The following FNDC1 variants were observed in gnomAD, a reference collection of about 807,000 sequenced individuals.
FNDC1 encodes fibronectin type III domain containing 1.
In FNDC1, 96 loss-of-function variants were observed where a neutral mutation model predicts 168.0. The ratio of observed to expected loss-of-function variants is 0.57; its 90% confidence interval spans 0.48 to 0.68. The LOEUF is 0.68. Ranked by LOEUF, FNDC1 falls within the 30% of genes least tolerant of loss-of-function variation. The probability of loss-of-function intolerance (pLI) is 0.00; values close to 1 mark genes in which losing one functional copy is unlikely to be tolerated. For missense variants in FNDC1, 2,587 were observed against 2,482.1 expected (o/e 1.04, Z -0.90); for synonymous variants, 1,099 against 1,025.9 (o/e 1.07, Z -1.36).
intron 1 of FNDC1, among the ~76,000 whole-genome samples, chr6:159,184,440 A>G (rs1781949848): frequency 6.6e-6 from 1 of 152,176 alleles, no homozygotes; most frequent in Admixed American, 6.5e-5. Flanking sequence ...TAATTTACCT[A>G]TGCCCATTCA....
chr6:159,252,221 A>AT (rs34765113), intron 17 of FNDC1, among the ~76,000 whole-genome samples: 2 of 151,880 alleles, frequency 1.3e-5, no homozygotes, highest in Admixed American at 6.6e-5. Flanking sequence ...ATAATTGCAA[A>AT]TTTTTTTTCT....
intron 10 of FNDC1, 27 bp from the exon 11 acceptor site, chr6:159,231,855 C>G (rs941312904): frequency 3.2e-6 from 5 of 1,551,852 alleles, no homozygotes; most frequent in Non-Finnish European, 3.5e-6. Context: ...TCTTCTTTGA[C>G]AGGCAATTCT....
At chr6:159,268,007 C>A in intron 22 of FNDC1, 81 bp downstream of exon 22, 1 of 1,443,166 alleles carries the variant, frequency 6.9e-7, no homozygotes, top group African/African-American at 1.4e-5. Context: ...CACAGTAGGT[C>A]TGCCTTTGCC....
At chr6:159,253,790 C>T (rs543928611) in intron 17 of FNDC1, among the ~76,000 whole-genome samples, 5 of 152,302 alleles carry the variant, frequency 3.3e-5, no homozygotes, top group African/African-American at 9.6e-5. Context: ...CAGGATCAGC[C>T]GAGAAACCAG....
rs1489969496 is a variant in FNDC1, at chr6:159,232,755, A to C, written c.2243A>C (p.Glu748Ala). 3 of 1,613,762 alleles carry C rather than the reference A, an allele frequency of 1.9e-6. No individual in the cohort carries two copies. In the African/African-American group the frequency reaches 4.0e-5, roughly 22 times the overall value. ...CTTTCCAAGGGCGGGAAGGATGGTG[A>C]GGACGCCCCAGCCACCAACTCCAAT... is the stretch of plus-strand genomic sequence containing the variant. The part of the protein sequence containing the change: ...SPLSKGGKDG[E>A]DAPATNSNAP... The change falls in exon 11 of 23, where the codon GAG becomes GCG. Residue 748 changes from glutamate to alanine, a missense_variant. Transcript: ENST00000297267. This position sits in a 1 kb window ranked among gnomAD's most constrained non-coding sequence, Gnocchi z 4.9.
rs765087335 is a variant in FNDC1, at chr6:159,234,340, C to A, written c.3828C>A (p.His1276Gln). ...AATVSPVAGTHPWPQYTTRAP... is the reference protein window; with the variant it reads ...AATVSPVAGTQPWPQYTTRAP... The stretch of plus-strand genomic sequence containing the variant: ...CCGTGAGCCCCGTCGCGGGCACCCA[C>A]CCCTGGCCGCAGTACACCACGCGCG... Residue 1276 changes from histidine to glutamine, a missense_variant, in exon 11 of 23, where the codon CAC becomes CAA. Coordinates refer to ENST00000297267, the MANE Select transcript of FNDC1 (RefSeq NM_032532.3). 16 of 1,611,170 alleles carry A rather than the reference C, an allele frequency of 9.9e-6. No individual in the cohort carries two copies. The Admixed American group carries it at 2.5e-4, about 25-fold the overall frequency.
intron 4 of FNDC1, among the ~76,000 whole-genome samples, chr6:159,207,907 C>T (rs1368261022): frequency 1.3e-5 from 2 of 152,230 alleles, no homozygotes; most frequent in Non-Finnish European, 2.9e-5. Context: ...ATATTTAACA[C>T]TCCTTCTCTT....
chr6:159,205,571 G>T (rs1053745425), intron 4 of FNDC1, among the ~76,000 whole-genome samples: 1 of 152,174 alleles, frequency 6.6e-6, no homozygotes, highest in Non-Finnish European at 1.5e-5. Context: ...AGCAACTCCT[G>T]TCTTCCAAAT....
intron 5 of FNDC1, chr6:159,218,724 C>T (rs946617952): frequency 2.0e-5 from 3 of 152,212 alleles, no homozygotes; most frequent in Non-Finnish European, 4.4e-5. Context: ...ATGCATCAGA[C>T]GCGATCCCAG....
intron 10 of FNDC1, among the ~76,000 whole-genome samples, chr6:159,230,290 G>A (rs1018166378): frequency 3.9e-5 from 6 of 152,100 alleles, no homozygotes; most frequent in African/African-American, 1.4e-4. Flanking sequence ...TGTGGTAACA[G>A]GGAAAGAACA....
chr6:159,232,162 G>T lies in FNDC1; in HGVS notation c.1650G>T (p.Glu550Asp), dbSNP rs776739536. 6.2e-7 allele frequency: 1 copy of T among 1,613,890 alleles called. No homozygotes were observed. Residue 550 changes from glutamate (E) to aspartate (D), a missense_variant, in exon 11 of 23, where the codon GAG (glutamate) becomes GAT (aspartate). Coordinates refer to ENST00000297267, the MANE Select transcript of FNDC1 (RefSeq NM_032532.3). This position sits in a 1 kb window ranked among gnomAD's most constrained non-coding sequence, Gnocchi z 4.9. ...GGGAGGAGGAGCTGGGTTCCCGGGA[G>T]GACTCGCCCATGTCACCCTCAGACA... ...ITGEEELGSR[E>D]DSPMSPSDTQ...
At chr6:159,198,873 C>T (rs1782311016) in intron 2 of FNDC1, among the ~76,000 whole-genome samples, 1 of 152,234 alleles carries the variant, frequency 6.6e-6, no homozygotes, top group Non-Finnish European at 1.5e-5. Context: ...CCGGGCATTT[C>T]CCCATTAGCC....
intron 14 of FNDC1, chr6:159,240,950 G>A (rs1220424418): frequency 1.3e-5 from 2 of 152,210 alleles, no homozygotes; most frequent in African/African-American, 2.4e-5. Flanking sequence ...CTTATGCAAC[G>A]TTATTGACTA....
At chr6:159,217,293 A>C (rs1350951968) in intron 5 of FNDC1, among the ~76,000 whole-genome samples, 1 of 152,152 alleles carries the variant, frequency 6.6e-6, no homozygotes, top group Admixed American at 6.5e-5. Flanking sequence ...GAAACAGAGC[A>C]CTTGCTTGGA....
intron 12 of FNDC1, among the ~76,000 whole-genome samples, chr6:159,237,441 C>A (rs1249798849): frequency 1.3e-5 from 2 of 152,156 alleles, no homozygotes; most frequent in Non-Finnish European, 2.9e-5. Flanking sequence ...GCTTTGAGAA[C>A]CACCAGCAAA....
chr6:159,261,419 T>C (rs1777481956), intron 19 of FNDC1, 150 bp downstream of exon 19: 2 of 564,866 alleles, frequency 3.5e-6, no homozygotes, highest in Admixed American at 7.4e-5. Context: ...ATCATTTGCT[T>C]TGTGCTAGGT....
At chr6:159,193,339 C>T (rs2114940048) in intron 1 of FNDC1, among the ~76,000 whole-genome samples, 1 of 152,296 alleles carries the variant, frequency 6.6e-6, no homozygotes, top group South Asian at 2.1e-4. Flanking sequence ...ATATATTCTC[C>T]ATAGATGTCA....
Position 159,266,238 on chromosome 6 carries a change from C to A in FNDC1, c.5439C>A (p.Asn1813Lys), listed in dbSNP as rs373745239. The A allele has an allele frequency of 1.2e-6, 2 of 1,613,860 alleles. No individual in the cohort carries two copies. Among genetic ancestry groups the A allele is most frequent in the East Asian group, 4.5e-5 (2 of 44,878 alleles). Residue 1813 changes from asparagine to lysine, a missense_variant, in exon 21 of 23, where the codon AAC becomes AAA. Coordinates refer to ENST00000297267, the MANE Select transcript of FNDC1 (RefSeq NM_032532.3). ...GGTATAAAATCTACCTCAGTGACAA[C>A]CTGAAAGGTAAGTCTTTGTGCATGG... Reference protein sequence around the residue: ...SLRYKIYLSDNLKDTFYSIGD... With the variant: ...SLRYKIYLSDKLKDTFYSIGD...
chr6:159,263,001 T>C (rs921582338), intron 19 of FNDC1, among the ~76,000 whole-genome samples: 2 of 152,258 alleles, frequency 1.3e-5, no homozygotes, highest in African/African-American at 4.8e-5. Flanking sequence ...GTCAGTGAAT[T>C]ATGGCATTTG....
Sources: allele counts gnomAD v4.1 joint callset (sites outside exome capture counted in the v4.1 genomes callset), GRCh38; gene constraint gnomAD v4.1.1; non-coding constraint Gnocchi (gnomAD v3.1); transcripts MANE v1.5; gene names NCBI Gene and HGNC (gene_info 2026-07-23, HGNC 2026-07-21).